Variants in CREB5 observed in about 807,000 individuals in gnomAD.
CREB5 encodes cAMP responsive element binding protein 5.
A neutral mutation model predicts 57.1 loss-of-function variants in CREB5; 19 were observed. The ratio of observed to expected loss-of-function variants is 0.33; its 90% CI spans 0.23 to 0.49. CREB5 has a LOEUF of 0.49. Ranked by LOEUF, CREB5 falls within the 20% of genes least tolerant of loss-of-function variation. The pLI is 0.99. For synonymous variants in CREB5, 238 were observed against 238.3 expected (o/e 1.00, Z 0.01); for missense variants, 579 against 671.6 (o/e 0.86, Z 1.52).
intron 1 of CREB5, among the ~76,000 whole-genome samples, chr7:28,342,454 A>C (rs1479513656): frequency 1.3e-5 from 2 of 152,254 alleles, no homozygotes; most frequent in Non-Finnish European, 2.9e-5. Flanking sequence ...TGAATACTCA[A>C]GAAAAAAGGA....
intron 1 of CREB5, among the ~76,000 whole-genome samples, chr7:28,381,509 A>G (rs910435279): frequency 3.3e-5 from 5 of 152,216 alleles, no homozygotes; most frequent in African/African-American, 1.2e-4. Context: ...GTTGGCATAG[A>G]TCACTAGAAG....
chr7:28,604,579 A>G (rs1483806226), intron 5 of CREB5, among the ~76,000 whole-genome samples: 4 of 151,894 alleles, frequency 2.6e-5, no homozygotes, highest in Non-Finnish European at 4.4e-5. Flanking sequence ...TAGGGCAAGA[A>G]CCCAATAGAT....
chr7:28,303,313 C>T (rs1024643616), intron 1 of CREB5, among the ~76,000 whole-genome samples: 4 of 152,100 alleles, frequency 2.6e-5, no homozygotes, highest in African/African-American at 9.7e-5. Flanking sequence ...AATTTGGGCC[C>T]TCACTTAAAT....
At position 28,525,643 on chromosome 7, in the gene CREB5, C is replaced by T. The variant is rs992534659; in HGVS notation, c.291+17906C>T. 2.8e-4 allele frequency among the ~76,000 whole-genome samples: 43 copies of T among 151,984 alleles called. 1 individual carries two copies. The highest frequency in any genetic ancestry group is 1.9e-4 in the East Asian group (1 of 5,190). The stretch of plus-strand genomic sequence containing the variant: ...ACTTGTATGTCTTCTCATTGGCATG[C>T]AGTAAGGTACCACTCAGACCACAGG... On this transcript the variant is annotated intron_variant, in intron 4 of 10. Coordinates refer to ENST00000357727, the MANE Select transcript of CREB5 (RefSeq NM_182898.4).
chr7:28,410,090 C>T (rs772598144), upstream of CREB5: 2 of 397,098 alleles, frequency 5.0e-6, no homozygotes, highest in Non-Finnish European at 1.0e-5. Flanking sequence ...GCAGGGGGCT[C>T]GCTCTCCCCG....
intron 1 of CREB5, among the ~76,000 whole-genome samples, chr7:28,404,635 T>A (rs1012567708): frequency 6.6e-6 from 1 of 152,182 alleles, no homozygotes; most frequent in African/African-American, 2.4e-5. Flanking sequence ...ACAGTGAGCC[T>A]TAAACCAAAT....
At chr7:28,431,224 G>A (rs1788698412) in intron 1 of CREB5, among the ~76,000 whole-genome samples, 2 of 152,200 alleles carry the variant, frequency 1.3e-5, no homozygotes, top group South Asian at 4.1e-4. Flanking sequence ...GGTTTAGCCA[G>A]TACCTATGGC....
chr7:28,378,004 T>G (rs370557446), intron 1 of CREB5, among the ~76,000 whole-genome samples: 7 of 151,238 alleles, frequency 4.6e-5, no homozygotes, highest in Middle Eastern at 3.5e-3. Context: ...GGCTATTATC[T>G]CTCTTGTTTT....
intron 5 of CREB5, among the ~76,000 whole-genome samples, chr7:28,660,722 C>T (rs1411614755): frequency 1.3e-5 from 2 of 152,064 alleles, no homozygotes; most frequent in Non-Finnish European, 2.9e-5. Flanking sequence ...ACCTTTTCCT[C>T]CCTTTCTTCT....
At chr7:28,435,003 G>A (rs143385813) in intron 1 of CREB5, among the ~76,000 whole-genome samples, 2 of 151,658 alleles carry the variant, frequency 1.3e-5, no homozygotes, top group South Asian at 2.1e-4. Context: ...TAGATCATAC[G>A]CACCTTAAGA....
chr7:28,636,675 A>G (rs1798432321), intron 5 of CREB5, among the ~76,000 whole-genome samples: 2 of 152,210 alleles, frequency 1.3e-5, no homozygotes, highest in Admixed American at 1.3e-4. Context: ...CCTTTCAATC[A>G]TAACCTACAA....
At chr7:28,815,378 C>T (rs910235856) in intron 9 of CREB5, among the ~76,000 whole-genome samples, 1 of 150,240 alleles carries the variant, frequency 6.7e-6, no homozygotes, top group Admixed American at 6.7e-5. Flanking sequence ...TACAGATCCT[C>T]ACAACACTCA....
chr7:28,494,868 C>T, intron 2 of CREB5, 38 bp from the exon 3 acceptor site: 2 of 1,272,486 alleles, frequency 1.6e-6, no homozygotes, highest in Non-Finnish European at 1.1e-6. Flanking sequence ...CTGAATGGCT[C>T]CTCTTCTCCC....
intron 7 of CREB5, among the ~76,000 whole-genome samples, chr7:28,749,929 G>GT (rs398004174): frequency 0.23 from 33,262 of 147,550 alleles, 4,485 homozygotes; most frequent in Non-Finnish European, 0.32. Context: ...GCAACTGATA[G>GT]TTTTTTTTTT....
intron 5 of CREB5, among the ~76,000 whole-genome samples, chr7:28,672,106 C>A (rs1800068095): frequency 6.6e-6 from 1 of 150,876 alleles, no homozygotes; most frequent in East Asian, 2.0e-4. Context: ...CAATTAAATA[C>A]AAAAATCACT....
At chr7:28,636,489 T>C (rs1040007965) in intron 5 of CREB5, among the ~76,000 whole-genome samples, 1 of 152,204 alleles carries the variant, frequency 6.6e-6, no homozygotes, top group Non-Finnish European at 1.5e-5. Context: ...TGCTCACTTC[T>C]TTCCTGTGTG....
chr7:28,719,021 T>G (rs879593), intron 6 of CREB5, 142 bp downstream of exon 6: 365,819 of 1,360,672 alleles, frequency 0.27, 50,939 homozygotes, highest in Admixed American at 0.39. Flanking sequence ...CTGTGTGCAA[T>G]TTTGCTTTGA....
At chr7:28,766,291 C>G (rs1307659817) in intron 7 of CREB5, among the ~76,000 whole-genome samples, 1 of 152,100 alleles carries the variant, frequency 6.6e-6, no homozygotes, top group Non-Finnish European at 1.5e-5. Context: ...AAGGTCCCTT[C>G]CCTGCACAAG....
chr7:28,517,628 G>GT (rs755499109), intron 4 of CREB5, among the ~76,000 whole-genome samples: 3 of 152,302 alleles, frequency 2.0e-5, no homozygotes, highest in Non-Finnish European at 4.4e-5. Context: ...GGTGAGCCAG[G>GT]TGGGGCTTAC....
Sources: gnomAD v4.1 joint callset for allele counts (sites outside exome capture counted in the v4.1 genomes callset) on GRCh38, gnomAD v4.1.1 for gene constraint, MANE v1.5 for transcripts, NCBI Gene and HGNC (gene_info 2026-07-23, HGNC 2026-07-21) for gene names.